The following EPHA6 variants were observed in gnomAD, a reference collection of about 807,000 sequenced individuals.
The protein encoded by EPHA6 is ephrin type-A receptor 6.
A neutral mutation model predicts 112.0 loss-of-function variants in EPHA6; 50 were observed. The ratio of observed to expected loss-of-function variants is 0.45; its 90% CI spans 0.36 to 0.56. EPHA6 has a LOEUF of 0.56. Among genes scored for constraint, EPHA6 ranks in the 20% least tolerant of loss-of-function variants. The pLI, the probability that EPHA6 is intolerant of heterozygous loss-of-function variation, is 0.00. For missense variants in EPHA6, 1,280 were observed against 1,417.4 expected, an observed-to-expected ratio of 0.90 and a Z score of 1.56; for synonymous variants, 529 against 490.7, an observed-to-expected ratio of 1.08 and a Z score of -1.03.
chr3:97,071,597 T>G (rs1302609496), intron 3 of EPHA6, among the ~76,000 whole-genome samples: 2 of 152,002 alleles, frequency 1.3e-5, no homozygotes, highest in South Asian at 4.1e-4. Flanking sequence ...ATCAGGAGAA[T>G]AGCATGAGAA....
At chr3:97,392,272 A>G (rs568465170) in intron 5 of EPHA6, among the ~76,000 whole-genome samples, 147 of 151,920 alleles carry the variant, frequency 9.7e-4, no homozygotes, top group African/African-American at 3.2e-3. Context: ...TGTTTTAAGA[A>G]TTTTGAATAA....
chr3:97,583,942 C>T (rs2107301408), intron 11 of EPHA6, among the ~76,000 whole-genome samples: 1 of 152,298 alleles, frequency 6.6e-6, no homozygotes, highest in Non-Finnish European at 1.5e-5. Flanking sequence ...CCTTCCATCA[C>T]TTCTTAGATA....
At chr3:97,128,325 G>C (rs564025011) in intron 3 of EPHA6, among the ~76,000 whole-genome samples, 1 of 152,284 alleles carries the variant, frequency 6.6e-6, no homozygotes, top group Admixed American at 6.5e-5. Context: ...ATGCATGCCA[G>C]TGTCTTTTTG....
chr3:97,633,543 G>A (rs1040550395), intron 13 of EPHA6, among the ~76,000 whole-genome samples: 1 of 152,016 alleles, frequency 6.6e-6, no homozygotes. Flanking sequence ...TTTATCGAGT[G>A]CTAACAAAAT....
intron 5 of EPHA6, among the ~76,000 whole-genome samples, chr3:97,318,108 C>T (rs2081932234): frequency 6.6e-6 from 1 of 151,896 alleles, no homozygotes; most frequent in Non-Finnish European, 1.5e-5. Flanking sequence ...ATACATAAAT[C>T]TATAGAGGGA....
At chr3:97,568,894 C>T (rs372660364) in intron 11 of EPHA6, among the ~76,000 whole-genome samples, 7 of 152,172 alleles carry the variant, frequency 4.6e-5, no homozygotes, top group South Asian at 4.2e-4. Context: ...TGGATGTCAT[C>T]GGATGGAAAC....
chr3:97,129,781 G>A (rs77948517), intron 3 of EPHA6, among the ~76,000 whole-genome samples: 2,000 of 152,256 alleles, frequency 0.013, 35 homozygotes, highest in African/African-American at 0.046. Context: ...TGCTGATCAA[G>A]TAGAGTAATT....
chr3:97,123,979 C>G (rs72922316), intron 3 of EPHA6, among the ~76,000 whole-genome samples: 6,450 of 152,050 alleles, frequency 0.042, 419 homozygotes, highest in African/African-American at 0.14. Context: ...GTTCCCAGCT[C>G]TAAATCCATG....
At chr3:97,583,108 A>G (rs1575965655) in intron 11 of EPHA6, among the ~76,000 whole-genome samples, 1 of 150,928 alleles carries the variant, frequency 6.6e-6, no homozygotes, top group Middle Eastern at 3.4e-3. Context: ...ATATACCCAC[A>G]GTTCATAAAT....
intron 5 of EPHA6, among the ~76,000 whole-genome samples, chr3:97,373,813 C>T (rs1219126091): frequency 1.3e-5 from 2 of 151,936 alleles, no homozygotes; most frequent in African/African-American, 4.8e-5. Flanking sequence ...CATTCTATTC[C>T]CTTGTGCAAT....
Position 97,077,392 on chromosome 3 carries a change from CTA to C in EPHA6, c.1114+89414_1114+89415del, listed in dbSNP as rs56830256. Among the ~76,000 whole-genome samples, 63 of 149,480 alleles carry C rather than the reference CTA, an allele frequency of 4.2e-4. No individual in the cohort carries two copies. In the East Asian group the frequency reaches 7.1e-3, roughly 17 times the overall value. ...GAAGGTATAACGGAACAGATGCAAT[CTA>C]TATATATATATATACTTTAAGTTCT... is the stretch of plus-strand genomic sequence containing the variant. On this transcript the variant is annotated intron_variant, in intron 3 of 17. Coordinates refer to ENST00000389672, the MANE Select transcript of EPHA6 (RefSeq NM_001080448.3).
intron 10 of EPHA6, among the ~76,000 whole-genome samples, chr3:97,522,911 C>T (rs1440121582): frequency 6.6e-6 from 1 of 151,746 alleles, no homozygotes; most frequent in Non-Finnish European, 1.5e-5. Context: ...TGATTTGAGT[C>T]TTATCTCTTT....
At chr3:97,295,660 A>G (rs2080850583) in intron 5 of EPHA6, among the ~76,000 whole-genome samples, 1 of 151,496 alleles carries the variant, frequency 6.6e-6, no homozygotes, top group African/African-American at 2.4e-5. Flanking sequence ...GCATTGGTGC[A>G]ACAGTCACTT....
At chr3:97,198,303 G>A (rs754753699) in intron 3 of EPHA6, among the ~76,000 whole-genome samples, 3 of 152,124 alleles carry the variant, frequency 2.0e-5, no homozygotes, top group Non-Finnish European at 4.4e-5. Context: ...AAACATCACT[G>A]AAGTGGTTAT....
intron 3 of EPHA6, among the ~76,000 whole-genome samples, chr3:96,993,104 G>A (rs1361094939): frequency 6.6e-6 from 1 of 152,094 alleles, no homozygotes; most frequent in Admixed American, 6.6e-5. Flanking sequence ...TTGAGGGAGA[G>A]TTGTAGTATT....
chr3:97,163,812 A>C (rs931774010), intron 3 of EPHA6, among the ~76,000 whole-genome samples: 1 of 152,202 alleles, frequency 6.6e-6, no homozygotes, highest in African/African-American at 2.4e-5. Flanking sequence ...CCATTCCCAC[A>C]TGGCCCCAAT....
At chr3:97,182,502 G>GA (rs1402243466) in intron 3 of EPHA6, among the ~76,000 whole-genome samples, 2 of 151,954 alleles carry the variant, frequency 1.3e-5, no homozygotes, top group East Asian at 3.9e-4. Context: ...TGACTCTTCA[G>GA]AAACTATAAA....
At chr3:97,652,900 C>G (rs1474654243) in intron 14 of EPHA6, among the ~76,000 whole-genome samples, 4 of 151,852 alleles carry the variant, frequency 2.6e-5, no homozygotes, top group Non-Finnish European at 5.9e-5. Context: ...TGAAGACATT[C>G]TACCTGATAT....
intron 5 of EPHA6, among the ~76,000 whole-genome samples, chr3:97,315,435 T>C (rs1036446717): frequency 6.6e-6 from 1 of 151,710 alleles, no homozygotes; most frequent in East Asian, 1.9e-4. Flanking sequence ...GACTTTTAAA[T>C]ATCTTCACGG....
Sources: allele counts gnomAD v4.1 joint callset (sites outside exome capture counted in the v4.1 genomes callset), GRCh38; gene constraint gnomAD v4.1.1; transcripts MANE v1.5; gene names NCBI Gene and HGNC (gene_info 2026-07-23, HGNC 2026-07-21).